GRIK1: variants seen among roughly 807,000 people sequenced by gnomAD.
The protein encoded by GRIK1 is glutamate receptor ionotropic, kainate 1.
A neutral mutation model predicts 105.7 loss-of-function variants in GRIK1; 69 were observed. The observed-to-expected ratio is 0.65, with a 90% CI of 0.54 to 0.80. GRIK1 has a LOEUF of 0.80. GRIK1 is among the 30% of genes least tolerant of loss of function. The probability of loss-of-function intolerance (pLI) is 0.00; values close to 1 mark genes in which losing one functional copy is unlikely to be tolerated. For synonymous variants in GRIK1, 438 were observed against 431.3 expected (o/e 1.02, Z -0.19); for missense variants, 1,109 against 1,167.3 (o/e 0.95, Z 0.73).
intron 7 of GRIK1, among the ~76,000 whole-genome samples, chr21:29,615,068 G>A (rs1334806328): frequency 6.6e-6 from 1 of 151,600 alleles, no homozygotes; most frequent in Non-Finnish European, 1.5e-5. Flanking sequence ...ATCTATCAAG[G>A]TCAATTCAAA....
intron 1 of GRIK1, among the ~76,000 whole-genome samples, chr21:29,718,748 T>C (rs2064241027): frequency 6.6e-6 from 1 of 152,136 alleles, no homozygotes; most frequent in Admixed American, 6.6e-5. Flanking sequence ...CCAAAGTGGG[T>C]GACTTGTCAG....
intron 1 of GRIK1, among the ~76,000 whole-genome samples, chr21:29,873,770 A>C (rs1243512561): frequency 1.3e-5 from 2 of 152,192 alleles, no homozygotes; most frequent in Non-Finnish European, 2.9e-5. Context: ...TTTATCCTGT[A>C]AAAAATTGGA....
At chr21:29,913,852 A>G (rs1265532264) in intron 1 of GRIK1, among the ~76,000 whole-genome samples, 1 of 151,888 alleles carries the variant, frequency 6.6e-6, no homozygotes, top group African/African-American at 2.4e-5. Flanking sequence ...ACACATATAC[A>G]TAAAATTTAT....
intron 1 of GRIK1, among the ~76,000 whole-genome samples, chr21:29,782,816 A>T (rs905975409): frequency 1.3e-5 from 2 of 152,162 alleles, no homozygotes; most frequent in Non-Finnish European, 2.9e-5. Context: ...GCTTCATTTT[A>T]TCAACCCTTC....
chr21:29,650,758 T>C (rs958057784), intron 6 of GRIK1, among the ~76,000 whole-genome samples: 1 of 152,162 alleles, frequency 6.6e-6, no homozygotes, highest in Non-Finnish European at 1.5e-5. Context: ...CACAAATCGG[T>C]TCTGCAAAAC....
At chr21:29,540,612 T>A (rs1990387056) in intron 16 of GRIK1, among the ~76,000 whole-genome samples, 1 of 152,192 alleles carries the variant, frequency 6.6e-6, no homozygotes, top group Non-Finnish European at 1.5e-5. Context: ...TTGCCTTTTA[T>A]GATCTCAGAA....
At chr21:29,668,924 G>C (rs2063110956) in intron 4 of GRIK1, among the ~76,000 whole-genome samples, 1 of 152,152 alleles carries the variant, frequency 6.6e-6, no homozygotes, top group African/African-American at 2.4e-5. Context: ...GGAGAGAGCA[G>C]CATCTTTTCA....
chr21:29,629,217 T>TGTGTGTGTGTGTGTGTGTGTGC (rs2062204319), intron 7 of GRIK1, among the ~76,000 whole-genome samples: 1 of 148,836 alleles, frequency 6.7e-6, no homozygotes, highest in East Asian at 1.9e-4. Flanking sequence ...TGTGTGTGTG[T>TGTGTGTGTGTGTGTGTGTGTGC]GTGTGTGTGT....
At chr21:29,634,576 A>C (rs2062355675) in intron 7 of GRIK1, among the ~76,000 whole-genome samples, 1 of 152,042 alleles carries the variant, frequency 6.6e-6, no homozygotes, top group Non-Finnish European at 1.5e-5. Context: ...CGGTGCTCTG[A>C]GGACACAAAG....
At chr21:29,725,007 TAAAAA>T (rs76948130) in intron 1 of GRIK1, among the ~76,000 whole-genome samples, 2 of 112,052 alleles carry the variant, frequency 1.8e-5, no homozygotes, top group African/African-American at 3.0e-5. Flanking sequence ...CTTTGCCACC[TAAAAA>T]AAAAAAAAAA....
At chr21:29,933,616 T>TAGAG (rs147298415) in intron 1 of GRIK1, among the ~76,000 whole-genome samples, 1 of 150,066 alleles carries the variant, frequency 6.7e-6, no homozygotes, top group African/African-American at 2.4e-5. Flanking sequence ...TTCATTAACA[T>TAGAG]AGAGAGAGAG....
chr21:29,641,338 G>A (rs1413255744), intron 7 of GRIK1, among the ~76,000 whole-genome samples: 4 of 152,130 alleles, frequency 2.6e-5, no homozygotes, highest in Admixed American at 1.3e-4. Context: ...AAATCTGATG[G>A]TTTTATAAAT....
At position 29,938,105 on chromosome 21, in the gene GRIK1, G is replaced by GTA. The variant is rs1424397042; in HGVS notation, c.118+1276_118+1277dup. On this transcript the variant is annotated intron_variant, in intron 1 of 17. Transcript: ENST00000327783. ...TTCAGTGATTAAAAAATAAAACCTA[G>GTA]TATGTTCTGAATTTTTGTAAAGGGG... Among the ~76,000 whole-genome samples the GTA allele has an allele frequency of 2.6e-5, 4 of 152,266 alleles. No homozygotes were observed. In the South Asian group the frequency reaches 6.2e-4, roughly 24 times the overall value.
intron 1 of GRIK1, among the ~76,000 whole-genome samples, chr21:29,851,171 C>A (rs1470141829): frequency 6.6e-6 from 1 of 152,024 alleles, no homozygotes; most frequent in African/African-American, 2.4e-5. Context: ...TCTCCTGCCT[C>A]AGCCTCTTGA....
chr21:29,721,406 C>A (rs564702961), intron 1 of GRIK1, among the ~76,000 whole-genome samples: 19 of 152,166 alleles, frequency 1.2e-4, no homozygotes, highest in African/African-American at 4.6e-4. Flanking sequence ...GCCGCTTTCT[C>A]TTAAAAGTTC....
intron 1 of GRIK1, among the ~76,000 whole-genome samples, chr21:29,843,148 C>T (rs1011369816): frequency 2.0e-5 from 3 of 152,086 alleles, no homozygotes; most frequent in African/African-American, 4.8e-5. Flanking sequence ...AGTAGGCTCA[C>T]GTTGTCAAAG....
At chr21:29,838,005 G>A (rs2067858853) in intron 1 of GRIK1, among the ~76,000 whole-genome samples, 1 of 152,208 alleles carries the variant, frequency 6.6e-6, no homozygotes, top group South Asian at 2.1e-4. Context: ...CTAAGAATCT[G>A]AAGAGGAAGA....
At chr21:29,879,124 C>T (rs1444127736) in intron 1 of GRIK1, among the ~76,000 whole-genome samples, 1 of 152,044 alleles carries the variant, frequency 6.6e-6, no homozygotes, top group African/African-American at 2.4e-5. Context: ...CTTGTCAATC[C>T]TGTTAATGGA....
chr21:29,767,864 A>ATGTGTGTGTGTGTG (rs60618188), intron 1 of GRIK1, among the ~76,000 whole-genome samples: 1 of 147,224 alleles, frequency 6.8e-6, no homozygotes, highest in Non-Finnish European at 1.5e-5. Flanking sequence ...GCTGAAATTC[A>ATGTGTGTGTGTGTG]TGTGTGTGTG....
Sources: allele counts gnomAD v4.1 joint callset (sites outside exome capture counted in the v4.1 genomes callset), GRCh38; gene constraint gnomAD v4.1.1; transcripts MANE v1.5; gene names NCBI Gene and HGNC (gene_info 2026-07-23, HGNC 2026-07-21).